PDE9A: variants seen among roughly 807,000 people sequenced by gnomAD.
PDE9A encodes high affinity cGMP-specific 3',5'-cyclic phosphodiesterase 9A.
A neutral mutation model predicts 87.4 loss-of-function variants in PDE9A; 60 were observed. The ratio of observed to expected loss-of-function variants is 0.69; its 90% CI spans 0.56 to 0.85. The LOEUF is 0.85. Among genes scored for constraint, PDE9A ranks in the 40% least tolerant of loss-of-function variants. The pLI is 0.00. For synonymous variants in PDE9A, 272 were observed against 279.4 expected, an observed-to-expected ratio of 0.97 and a Z score of 0.27; for missense variants, 665 against 779.0, an observed-to-expected ratio of 0.85 and a Z score of 1.74.
chr21:42,746,725 G>A lies in PDE9A; in HGVS notation c.653+2865G>A, dbSNP rs574184117. On this transcript the variant is annotated intron_variant, in intron 8 of 19. Transcript: ENST00000291539. The stretch of plus-strand genomic sequence containing the variant: ...TAACACCGATTTCAGAGCTTGCAGA[G>A]GAAGCCGCCAGGAACTCCAGTGAGA... Among the ~76,000 whole-genome samples, 95 of 152,358 alleles carry A rather than the reference G, an allele frequency of 6.2e-4. 1 individual carries two copies. Among genetic ancestry groups the A allele is most frequent in the Non-Finnish European group, 1.2e-3 (81 of 68,036 alleles).
intron 1 of PDE9A, among the ~76,000 whole-genome samples, chr21:42,661,669 A>T (rs1011619754): frequency 6.6e-6 from 1 of 152,170 alleles, no homozygotes; most frequent in Non-Finnish European, 1.5e-5. Flanking sequence ...ATATTTTTAA[A>T]GCCTCAGTCA....
rs1029835878 is a variant in PDE9A, at chr21:42,702,547, G to C, written c.262+3536G>C. The stretch of plus-strand genomic sequence containing the variant: ...GATCTTGATGGAATGCTGATCACAG[G>C]AATGCACGCTGGTTCATCATCTGGT... On this transcript the variant is annotated intron_variant, in intron 4 of 19. Coordinates refer to ENST00000291539, the MANE Select transcript of PDE9A (RefSeq NM_002606.3). The surrounding 1 kb of genome is among the most constrained non-coding windows in gnomAD (Gnocchi z 4.9). Among the ~76,000 whole-genome samples the C allele has an allele frequency of 6.6e-5, 10 of 152,172 alleles. No individual in the cohort carries two copies. The highest frequency in any genetic ancestry group is 1.2e-4 in the Non-Finnish European group (8 of 68,036).
rs1047012980 is a variant in PDE9A at position 42,694,890 on chromosome 21, C to A, written c.219-4078C>A. Among the ~76,000 whole-genome samples the A allele has an allele frequency of 6.6e-6, 1 of 152,218 alleles. No individual in the cohort carries two copies. The highest frequency in any genetic ancestry group is 2.4e-5 in the African/African-American group (1 of 41,458). On this transcript the variant is annotated intron_variant, in intron 3 of 19. Coordinates refer to ENST00000291539, the MANE Select transcript of PDE9A (RefSeq NM_002606.3). This position sits in a 1 kb window ranked among gnomAD's most constrained non-coding sequence, Gnocchi z 5.3. The stretch of plus-strand genomic sequence containing the variant: ...CCACCATAATGTACTTGTCTCCAAT[C>A]TGCTGAGCTGCATGAATGCCCACCC...
In PDE9A at chr21:42,759,833, T is replaced by G. The variant is rs536535051; in HGVS notation, c.898-495T>G. On this transcript the variant is annotated intron_variant, in intron 11 of 19. Coordinates refer to ENST00000291539, the MANE Select transcript of PDE9A (RefSeq NM_002606.3). The surrounding 1 kb of genome is among the most constrained non-coding windows in gnomAD (Gnocchi z 7.2). ...TGCATGTGTGTGTGTGGATGTGGGG[T>G]GTGTGAGTGTGTGGTGTGTGAGTGG... 3.4e-5 allele frequency among the ~76,000 whole-genome samples: 5 copies of G among 147,690 alleles called. No homozygotes were observed. The highest frequency in any genetic ancestry group is 6.0e-5 in the Non-Finnish European group (4 of 66,654).
chr21:42,772,798 T>C lies in PDE9A; in HGVS notation c.1768+278T>C, dbSNP rs372336323. Among the ~76,000 whole-genome samples, 10 of 151,876 alleles carry C rather than the reference T, an allele frequency of 6.6e-5. No homozygotes were observed. In the East Asian group the frequency reaches 1.8e-3, roughly 27 times the overall value. On this transcript the variant is annotated intron_variant, in intron 19 of 19. Transcript: ENST00000291539. Reference sequence around the variant, plus strand: ...ACAGGCATGAGCCACCATGCCTGGCTAGTTTTTCTATTTTTAGTAGAGATG... The same window carrying C: ...ACAGGCATGAGCCACCATGCCTGGCCAGTTTTTCTATTTTTAGTAGAGATG...
At chr21:42,693,049 T>C (rs1186686279) in intron 3 of PDE9A, among the ~76,000 whole-genome samples, 3 of 152,192 alleles carry the variant, frequency 2.0e-5, no homozygotes, top group East Asian at 3.9e-4. Flanking sequence ...GTGGGAAGGC[T>C]GGGCAGGTGG....
intron 1 of PDE9A, among the ~76,000 whole-genome samples, chr21:42,671,882 G>A (rs1451571406): frequency 1.3e-5 from 2 of 152,300 alleles, no homozygotes; most frequent in East Asian, 3.9e-4. Context: ...ATCTGCTAGT[G>A]GGTTGCGTTT....
chr21:42,769,276 CGT>C (rs1205455135), intron 17 of PDE9A, 121 bp downstream of exon 17: 4 of 908,778 alleles, frequency 4.4e-6, no homozygotes, highest in African/African-American at 3.3e-5. Flanking sequence ...CATGCACACA[CGT>C]ACACAGATAC....
intron 1 of PDE9A, among the ~76,000 whole-genome samples, chr21:42,683,583 C>T (rs76001534): frequency 0.064 from 9,706 of 152,268 alleles, 995 homozygotes; most frequent in African/African-American, 0.21. Context: ...CCTGGCCTCA[C>T]GACCTGGCCC....
rs1480257538 is a variant in PDE9A at position 42,694,973 on chromosome 21, T to C, written c.219-3995T>C. ...CCAAGCACATTCCCCCTCTGCACAC[T>C]GCCAATCTTCCTGTCCCCGCCCCAA... On this transcript the variant is annotated intron_variant, in intron 3 of 19. Transcript: ENST00000291539. The surrounding 1 kb of genome is among the most constrained non-coding windows in gnomAD (Gnocchi z 5.3). Among the ~76,000 whole-genome samples the C allele has an allele frequency of 6.6e-6, 1 of 152,146 alleles. No homozygotes were observed. Among genetic ancestry groups the C allele is most frequent in the Non-Finnish European group, 1.5e-5 (1 of 68,012 alleles).
chr21:42,754,054 A>C lies in PDE9A; in HGVS notation c.800A>C (p.Glu267Ala). The change falls in exon 10 of 20, where the codon GAG (glutamate) becomes GCG (alanine). Residue 267 changes from glutamate to alanine, a missense_variant. Physicochemically the swap from Glu to Ala is moderately radical, Grantham distance 107 (BLOSUM62 -1). Transcript: ENST00000291539. Reference protein sequence around the residue: ...RKPTFDVWLWEPNEMLSCLEH... With the variant: ...RKPTFDVWLWAPNEMLSCLEH... ...CCGACCTTTGACGTCTGGCTTTGGG[A>C]GCCCAATGAGGTAAGTGCGGGGCTT... The C allele has an allele frequency of 1.9e-6, 3 of 1,611,654 alleles. No individual in the cohort carries two copies. In the South Asian group the frequency reaches 3.3e-5, roughly 18 times the overall value.
chr21:42,690,908 C>T (rs1372268994), intron 3 of PDE9A, among the ~76,000 whole-genome samples: 1 of 152,172 alleles, frequency 6.6e-6, no homozygotes, highest in Non-Finnish European at 1.5e-5. Flanking sequence ...AGCCACCTGC[C>T]TTAAGCACCA....
At chr21:42,706,564 G>A (rs539202449) in intron 4 of PDE9A, among the ~76,000 whole-genome samples, 1 of 151,986 alleles carries the variant, frequency 6.6e-6, no homozygotes, top group Admixed American at 6.6e-5. Flanking sequence ...AGAATCGCTT[G>A]AACCTGGGGG....
chr21:42,670,634 C>T lies in PDE9A; in HGVS notation c.70-15558C>T, dbSNP rs538737072. Among the ~76,000 whole-genome samples, 631 of 152,050 alleles carry T rather than the reference C, an allele frequency of 4.1e-3. 2 individuals are homozygous for T. The highest frequency in any genetic ancestry group is 0.014 in the African/African-American group (591 of 41,482). On this transcript the variant is annotated intron_variant, in intron 1 of 19. Coordinates refer to ENST00000291539, the MANE Select transcript of PDE9A (RefSeq NM_002606.3). ...ACACTATCACATTCACACACACATA[C>T]ACTTACAAACTATCATTCACACACA...
intron 16 of PDE9A, 192 bp downstream of exon 16, chr21:42,768,484 A>G: frequency 8.3e-7 from 1 of 1,201,114 alleles, no homozygotes; most frequent in Non-Finnish European, 1.1e-6. Context: ...CCTGAAAGAC[A>G]GTAACAATCC....
At position 42,732,083 on chromosome 21, in the gene PDE9A, A is replaced by G; in HGVS notation, c.456A>G (p.Leu152=). Residue 152 remains leucine (L), a synonymous_variant, in exon 6 of 20, where the codon TTA becomes TTG. Transcript: ENST00000291539. Reference sequence around the variant, plus strand: ...TTTGGTTTGTAGAGAGAGAAGAATTAATCCAGAGCGTGCTGGCGCAGGTTG... The same window carrying G: ...TTTGGTTTGTAGAGAGAGAAGAATTGATCCAGAGCGTGCTGGCGCAGGTTG... ...GQRIPPEREE[L]IQSVLAQVAE... 15 of 1,614,234 alleles carry G rather than the reference A, an allele frequency of 9.3e-6. No homozygotes were observed. The highest frequency in any genetic ancestry group is 1.2e-5 in the Non-Finnish European group (14 of 1,180,000).
chr21:42,737,937 T>C (rs979857401), intron 7 of PDE9A, among the ~76,000 whole-genome samples: 7 of 152,268 alleles, frequency 4.6e-5, no homozygotes, highest in Middle Eastern at 6.3e-3. Context: ...AAAGCTCTTC[T>C]TCCTTTTGAT....
intron 7 of PDE9A, among the ~76,000 whole-genome samples, chr21:42,736,145 G>A (rs543371465): frequency 1.3e-5 from 2 of 152,212 alleles, no homozygotes; most frequent in East Asian, 3.9e-4. Context: ...CCACCTGGAA[G>A]CCAGTGCCAG....
Position 42,692,774 on chromosome 21 carries a change from C to G in PDE9A, c.218+4780C>G, listed in dbSNP as rs1022638788. The stretch of plus-strand genomic sequence containing the variant: ...TTTTCTTTTTTGGCCCTGCCTCCCC[C>G]TTGGCTTCTCCCCTCTTCCTCTCCT... On this transcript the variant is annotated intron_variant, in intron 3 of 19. Coordinates refer to ENST00000291539, the MANE Select transcript of PDE9A (RefSeq NM_002606.3). This position sits in a 1 kb window ranked among gnomAD's most constrained non-coding sequence, Gnocchi z 4.3. Among the ~76,000 whole-genome samples, 1 of 152,158 alleles carries G rather than the reference C, an allele frequency of 6.6e-6. No homozygotes were observed. Among genetic ancestry groups the G allele is most frequent in the Admixed American group, 6.5e-5 (1 of 15,278 alleles).
Sources: allele counts gnomAD v4.1 joint callset (sites outside exome capture counted in the v4.1 genomes callset), GRCh38; gene constraint gnomAD v4.1.1; non-coding constraint Gnocchi (gnomAD v3.1); transcripts MANE v1.5; gene names NCBI Gene and HGNC (gene_info 2026-07-23, HGNC 2026-07-21).